SNPH: variants seen among roughly 807,000 people sequenced by gnomAD.
SNPH encodes the protein syntaphilin.
SNPH carries 10 observed loss-of-function variants against 36.8 expected under a neutral mutation model. The observed-to-expected ratio is 0.27, with a 90% CI of 0.17 to 0.46. The LOEUF (loss-of-function observed/expected upper bound fraction) is 0.46. Among genes scored for constraint, SNPH ranks in the 20% least tolerant of loss-of-function variants. SNPH has a pLI of 1.00. For synonymous variants in SNPH, 281 were observed against 312.2 expected, an observed-to-expected ratio of 0.90 and a Z score of 1.05; for missense variants, 622 against 744.0, an observed-to-expected ratio of 0.84 and a Z score of 1.91.
At position 1,277,659 on chromosome 20, in the gene SNPH, T is replaced by C. The variant is rs542956736; in HGVS notation, c.-493+10899T>C. ...GTGTCTGTGCCTGTGTGTCTGTGTATCTGTGTGTGTCCGTGTGTGTCCATG... is the reference window on the plus strand; with the variant it reads ...GTGTCTGTGCCTGTGTGTCTGTGTACCTGTGTGTGTCCGTGTGTGTCCATG... On this transcript the variant is annotated intron_variant, in intron 2 of 6. Transcript: ENST00000381867. 6.7e-5 allele frequency among the ~76,000 whole-genome samples: 10 copies of C among 149,228 alleles called. 1 individual carries two copies. Among genetic ancestry groups the C allele is most frequent in the Admixed American group, 3.3e-4 (5 of 15,000 alleles).
chr20:1,269,784 CA>C (rs1157707715), intron 2 of SNPH, among the ~76,000 whole-genome samples: 1 of 152,202 alleles, frequency 6.6e-6, no homozygotes, highest in Non-Finnish European at 1.5e-5. Flanking sequence ...AGGACAGACA[CA>C]CTTTTTTAGT....
At chr20:1,283,861 T>C (rs929922072) in intron 2 of SNPH, among the ~76,000 whole-genome samples, 47 of 152,200 alleles carry the variant, frequency 3.1e-4, no homozygotes, top group African/African-American at 1.1e-3. Context: ...CTAAGTTTGC[T>C]TTTCTGGACC....
At chr20:1,298,844 G>GTA (rs1491536199) in intron 5 of SNPH, among the ~76,000 whole-genome samples, 1 of 130,632 alleles carries the variant, frequency 7.7e-6, no homozygotes, top group Non-Finnish European at 1.6e-5. Context: ...GTGTGTGTGT[G>GTA]TATACATATT....
chr20:1,305,572 G>A lies in SNPH; in HGVS notation c.1135G>A (p.Ala379Thr). Reference protein sequence around the residue: ...LDTILEKVTQAQVCGTDPESG... With the variant: ...LDTILEKVTQTQVCGTDPESG... ...CACCATCCTGGAGAAAGTGACCCAG[G>A]CCCAGGTCTGTGGGACAGACCCTGA... The change falls in exon 7 of 7, where the codon GCC becomes ACC. Residue 379 changes from alanine to threonine, a missense_variant. By Grantham distance (58) the Ala-to-Thr change is moderately conservative (BLOSUM62 0). Transcript: ENST00000381867. 6.2e-7 allele frequency: 1 copy of A among 1,613,492 alleles called. No homozygotes were observed. The highest frequency in any genetic ancestry group is 8.5e-7 in the Non-Finnish European group (1 of 1,180,040).
chr20:1,274,957 C>T lies in SNPH; in HGVS notation c.-493+8197C>T, dbSNP rs569463080. ...CTTCCAGCCTCCCTTTCAGAAGTGG[C>T]GGACTTTGGACGTGCAGCCCCAGAG... On this transcript the variant is annotated intron_variant, in intron 2 of 6. Coordinates refer to ENST00000381867, the MANE Select transcript of SNPH (RefSeq NM_001318234.2). Among the ~76,000 whole-genome samples the T allele has an allele frequency of 9.2e-5, 14 of 152,298 alleles. No individual in the cohort carries two copies. The East Asian group carries it at 1.9e-3, about 21-fold the overall frequency.
In SNPH at chr20:1,296,017, C is replaced by T. The variant is rs1318417660; in HGVS notation, c.-223C>T. ...AGTCAGGAGGCCCTGCTCCTGAAGC[C>T]TCTGTGACCTTGGGCACGGCCTTCA... On this transcript the variant is annotated 5_prime_UTR_variant, in exon 4 of 7. Transcript: ENST00000381867. The T allele has an allele frequency of 2.1e-6, 1 of 486,270 alleles. No individual in the cohort carries two copies. Among genetic ancestry groups the T allele is most frequent in the African/African-American group, 2.0e-5 (1 of 49,036 alleles). The allele number at this position is 486,270 out of a possible 1,614,324, so 30.1% of individuals were successfully genotyped here. A position where few individuals can be genotyped will look rare whatever the true frequency, so the allele number is the denominator to read the frequency against.
chr20:1,305,912 G>C lies in SNPH; in HGVS notation c.1475G>C (p.Arg492Pro). The C allele has an allele frequency of 1.3e-6, 2 of 1,595,632 alleles. No individual in the cohort carries two copies. Among genetic ancestry groups the C allele is most frequent in the Admixed American group, 1.7e-5 (1 of 57,692 alleles). Residue 492 changes from arginine to proline, a missense_variant, in exon 7 of 7, where the codon CGG becomes CCG. This residue lies in a region of SNPH where 379 missense variants were observed against 427.9 expected (regional missense o/e 0.89). Transcript: ENST00000381867. ...GTGGCCTGGCTTTGCCGCTCCCAGC[G>C]GCGCCAGGGCCAGCCCATCTACAAC... ...PTVAWLCRSQ[R>P]RQGQPIYNIS... is the part of the protein sequence containing the mutation.
At chr20:1,273,387 A>G (rs767528093) in intron 2 of SNPH, among the ~76,000 whole-genome samples, 3 of 152,198 alleles carry the variant, frequency 2.0e-5, no homozygotes, top group Non-Finnish European at 2.9e-5. Context: ...TCAAGCACCT[A>G]TCATGGTAAG....
chr20:1,292,258 T>C (rs902275496), intron 2 of SNPH, among the ~76,000 whole-genome samples: 6 of 152,026 alleles, frequency 3.9e-5, no homozygotes, highest in African/African-American at 1.2e-4. Flanking sequence ...AAGAGTGCAA[T>C]GTATGCCTGA....
chr20:1,277,730 CTG>C (rs908997628), intron 2 of SNPH, among the ~76,000 whole-genome samples: 5 of 106,844 alleles, frequency 4.7e-5, no homozygotes, highest in Admixed American at 1.1e-4. Flanking sequence ...GTGTGTGTAT[CTG>C]TGTGTGTCGT....
chr20:1,296,151 C>A lies in SNPH; in HGVS notation c.-89C>A. 8.7e-7 allele frequency: 1 copy of A among 1,155,654 alleles called. No individual in the cohort carries two copies. Among genetic ancestry groups the A allele is most frequent in the Non-Finnish European group, 1.2e-6 (1 of 847,316 alleles). The allele number at this position is 1,155,654 out of a possible 1,614,324, so 71.6% of individuals were successfully genotyped here. A position where few individuals can be genotyped will look rare whatever the true frequency, so the allele number is the denominator to read the frequency against. On this transcript the variant is annotated 5_prime_UTR_variant, in exon 4 of 7. Coordinates refer to ENST00000381867, the MANE Select transcript of SNPH (RefSeq NM_001318234.2). Reference sequence around the variant, plus strand: ...AGTTGGGTGGTGGGAACCTGTGCACCAGCCCTATTCAATTCACTGGTGGAG... The same window carrying A: ...AGTTGGGTGGTGGGAACCTGTGCACAAGCCCTATTCAATTCACTGGTGGAG...
At chr20:1,298,529 G>T (rs977925483) in intron 5 of SNPH, among the ~76,000 whole-genome samples, 1 of 152,258 alleles carries the variant, frequency 6.6e-6, no homozygotes, top group Non-Finnish European at 1.5e-5. Context: ...TAGGAGTAAA[G>T]CATTAATTTA....
intron 2 of SNPH, among the ~76,000 whole-genome samples, chr20:1,280,966 C>G (rs1186344373): frequency 6.6e-6 from 1 of 152,178 alleles, no homozygotes; most frequent in Non-Finnish European, 1.5e-5. Flanking sequence ...CTGTTCACAA[C>G]TCACAGGCCA....
intron 3 of SNPH, among the ~76,000 whole-genome samples, chr20:1,295,247 T>G (rs571018116): frequency 6.6e-6 from 1 of 152,238 alleles, no homozygotes; most frequent in Admixed American, 6.5e-5. Flanking sequence ...ATAGCCCTCC[T>G]CACGACAGCC....
intron 2 of SNPH, among the ~76,000 whole-genome samples, chr20:1,287,838 C>G (rs1339925658): frequency 6.6e-6 from 1 of 152,234 alleles, no homozygotes; most frequent in South Asian, 2.1e-4. Flanking sequence ...CTTGACAGCT[C>G]TATCAGTCAG....
At chr20:1,303,078 C>CA (rs758191426) in intron 6 of SNPH, among the ~76,000 whole-genome samples, 144 of 152,364 alleles carry the variant, frequency 9.5e-4, no homozygotes, top group Middle Eastern at 3.4e-3. Context: ...CTGTTACTCC[C>CA]ACAGGAACCC....
At chr20:1,272,575 A>G (rs575634722) in intron 2 of SNPH, among the ~76,000 whole-genome samples, 9 of 152,378 alleles carry the variant, frequency 5.9e-5, no homozygotes, top group Non-Finnish European at 8.8e-5. Context: ...TGATTAGGCA[A>G]TATTTTTAAA....
chr20:1,306,303 G>A lies in SNPH; in HGVS notation c.*249G>A. 1 of 407,406 alleles carries A rather than the reference G, an allele frequency of 2.5e-6. No homozygotes were observed. Among genetic ancestry groups the A allele is most frequent in the South Asian group, 7.6e-5 (1 of 13,146 alleles). 25.2% of individuals were successfully genotyped at this position (407,406 alleles called of 1,614,324 possible). A position where few individuals can be genotyped will look rare whatever the true frequency, so the allele number is the denominator to read the frequency against. ...GTACACCAGCTGGACAAATTGCAGG[G>A]AGGGGAGGGAGCGAGGGCCAACCCG... On this transcript the variant is annotated 3_prime_UTR_variant, in exon 7 of 7. Coordinates refer to ENST00000381867, the MANE Select transcript of SNPH (RefSeq NM_001318234.2).
In SNPH at chr20:1,296,407, T is replaced by C. The variant is rs372864352; in HGVS notation, c.168T>C (p.Ser56=). 4 of 1,602,414 alleles carry C rather than the reference T, an allele frequency of 2.5e-6. No individual in the cohort carries two copies. The highest frequency in any genetic ancestry group is 4.6e-5 in the East Asian group (2 of 43,404). ...AMSLPGSRRT[S]AGSRRRTSPP... Reference sequence around the variant, plus strand: ...CCCTGCCAGGAAGTAGACGGACCTCTGCTGGATCACGCAGGTGAGTCTCCC... The same window carrying C: ...CCCTGCCAGGAAGTAGACGGACCTCCGCTGGATCACGCAGGTGAGTCTCCC... Residue 56 remains serine, a synonymous_variant, in exon 4 of 7, where the codon TCT becomes TCC. Coordinates refer to ENST00000381867, the MANE Select transcript of SNPH (RefSeq NM_001318234.2).
Sources: gnomAD v4.1 joint callset for allele counts (sites outside exome capture counted in the v4.1 genomes callset) on GRCh38, gnomAD v4.1.1 for gene constraint, gnomAD v4.1.1 regional missense constraint, MANE v1.5 for transcripts, NCBI Gene and HGNC (gene_info 2026-07-23, HGNC 2026-07-21) for gene names.